YIPF3: variants seen among roughly 807,000 people sequenced by gnomAD.
YIPF3 encodes protein YIPF3.
YIPF3 carries 18 observed loss-of-function variants against 40.3 expected under a neutral mutation model. The observed-to-expected ratio is 0.45, with a 90% CI of 0.31 to 0.66. The LOEUF is 0.66. Among genes scored for constraint, YIPF3 ranks in the 30% least tolerant of loss-of-function variants. The probability of loss-of-function intolerance (pLI) is 0.07; values close to 1 mark genes in which losing one functional copy is unlikely to be tolerated. For synonymous variants in YIPF3, 190 were observed against 179.6 expected (o/e 1.06, Z -0.46); for missense variants, 406 against 452.2 (o/e 0.90, Z 0.93).
Position 43,512,295 on chromosome 6 carries a change from C to A in YIPF3, c.925G>T (p.Gly309Cys). Reference protein sequence around the residue: ...VVEGILDTLEGPNIPPIQRVP... With the variant: ...VVEGILDTLECPNIPPIQRVP... ...CTCTGGATGGGCGGGATGTTGGGGC[C>A]CTCCAGTGTGTCCAGGATCCCTGGA... The change falls in exon 9 of 9, where the codon GGC becomes TGC. Residue 309 changes from glycine to cysteine, a missense_variant. Physicochemically the swap from Gly to Cys is radical, Grantham distance 159. Transcript: ENST00000372422. The A allele has an allele frequency of 6.2e-7, 1 of 1,610,604 alleles. No individual in the cohort carries two copies. Among genetic ancestry groups the A allele is most frequent in the Non-Finnish European group, 8.5e-7 (1 of 1,178,064 alleles).
intron 3 of YIPF3, 65 bp from the exon 4 acceptor site, chr6:43,513,698 G>A (rs1792717174): frequency 8.8e-6 from 13 of 1,471,218 alleles, no homozygotes; most frequent in East Asian, 2.3e-5. Flanking sequence ...GGAGGGCAAG[G>A]CCTGAATTTT....
intron 2 of YIPF3, 66 bp from the exon 3 acceptor site, chr6:43,515,767 C>T: frequency 6.2e-7 from 1 of 1,606,548 alleles, no homozygotes; most frequent in Admixed American, 1.7e-5. Flanking sequence ...TGCCTATTTT[C>T]CGTTTGATTT....
In YIPF3 at chr6:43,513,433, A is replaced by G; in HGVS notation, c.460T>C (p.Tyr154His). The change falls in exon 5 of 9, where the codon TAT becomes CAT. Residue 154 changes from tyrosine (Y) to histidine (H), a missense_variant. Transcript: ENST00000372422. ...GTGAAGACCAGCATGAGAGGTCCAT[A>G]GAGTTCACCTGCAATTTTCTGTCAA... The part of the protein sequence containing the change: ...NFPQKIAGEL[Y>H]GPLMLVFTLV... The G allele has an allele frequency of 1.2e-6, 2 of 1,614,210 alleles. No individual in the cohort carries two copies. The highest frequency in any genetic ancestry group is 1.7e-6 in the Non-Finnish European group (2 of 1,180,032).
intron 3 of YIPF3, chr6:43,515,240 C>G (rs944580327): frequency 2.2e-6 from 1 of 461,828 alleles, no homozygotes; most frequent in African/African-American, 2.0e-5. Flanking sequence ...GATCCGCCCG[C>G]CTCGGCCTCC....
Position 43,512,894 on chromosome 6 carries a change from A to G in YIPF3, c.667-20T>C, listed in dbSNP as rs1248809859. 2 of 1,610,252 alleles carry G rather than the reference A, an allele frequency of 1.2e-6. No homozygotes were observed. Among genetic ancestry groups the G allele is most frequent in the African/African-American group, 2.7e-5 (2 of 74,836 alleles). ...ATAGCCCTGGGAAGGAGGATGGTGG[A>G]GAGGAAAATCATTCAGGTTGGGCTG... On this transcript the variant is annotated intron_variant, in intron 6 of 8. Coordinates refer to ENST00000372422, the MANE Select transcript of YIPF3 (RefSeq NM_015388.4).
intron 3 of YIPF3, among the ~76,000 whole-genome samples, chr6:43,514,370 G>A (rs184992196): frequency 1.3e-5 from 2 of 152,182 alleles, no homozygotes; most frequent in African/African-American, 4.8e-5. Flanking sequence ...AATGAAAGGT[G>A]TTACTGAGGG....
Position 43,513,135 on chromosome 6 carries a change from G to C in YIPF3, c.600C>G (p.Ser200=). ...ACAGGTAGGCAAGGAAGTAAATGAA[G>C]GATGAGACTCCCAGCCAGTAGCCGA... The part of the protein sequence containing the change: ...TCFGYWLGVS[S]FIYFLAYLCN... The change falls in exon 6 of 9, where the codon TCC becomes TCG. Residue 200 remains serine, a synonymous_variant. Transcript: ENST00000372422. 1 of 1,614,194 alleles carries C rather than the reference G, an allele frequency of 6.2e-7. No homozygotes were observed. The highest frequency in any genetic ancestry group is 8.5e-7 in the Non-Finnish European group (1 of 1,180,042).
In YIPF3 at chr6:43,516,817, G is replaced by C; in HGVS notation, c.-10C>G. 6.4e-7 allele frequency: 1 copy of C among 1,565,774 alleles called. No individual in the cohort carries two copies. Among genetic ancestry groups the C allele is most frequent in the Non-Finnish European group, 8.7e-7 (1 of 1,154,892 alleles). On this transcript the variant is annotated 5_prime_UTR_variant, in exon 1 of 9. Transcript: ENST00000372422. ...CCGCTGTAGTTGCCATGTCCCTTGA[G>C]GGCTCCCGTCGCTGAAACCCGCGCT...
intron 1 of YIPF3, chr6:43,516,440 C>T: frequency 1.6e-6 from 1 of 610,350 alleles, no homozygotes. Context: ...GTGAATCCCA[C>T]CCAACCCCAC....
rs370055930 is a variant in YIPF3 at position 43,513,359 on chromosome 6, G to A, written c.534C>T (p.Ile178=). The part of the protein sequence containing the change: ...LHGMKTSDTI[I]REGTLMGTAI... ...CCCCAAAGTTGTCTGTCCTGCTTACGATAATAGTGTCAGACGTCTTCATCC... is the reference window on the plus strand; with the variant it reads ...CCCCAAAGTTGTCTGTCCTGCTTACAATAATAGTGTCAGACGTCTTCATCC... Residue 178 remains isoleucine (I), a splice_region_variant and synonymous_variant, in exon 5 of 9, where the codon ATC becomes ATT. Coordinates refer to ENST00000372422, the MANE Select transcript of YIPF3 (RefSeq NM_015388.4). The A allele has an allele frequency of 5.6e-6, 9 of 1,614,042 alleles. No individual in the cohort carries two copies. The highest frequency in any genetic ancestry group is 2.2e-5 in the South Asian group (2 of 91,080).
chr6:43,513,775 G>A, intron 3 of YIPF3, 142 bp from the exon 4 acceptor site: 1 of 737,746 alleles, frequency 1.4e-6, no homozygotes. Flanking sequence ...GGTAGAACAG[G>A]GTAGTAAAGA....
chr6:43,515,637 A>G lies in YIPF3; in HGVS notation c.353T>C (p.Leu118Pro). Residue 118 changes from leucine (L) to proline (P), a missense_variant, in exon 3 of 9, where the codon CTC becomes CCC. Leu to Pro is a moderately conservative substitution (Grantham distance 98, BLOSUM62 -3). Transcript: ENST00000372422. ...AFSLYANIDI[L>P]RPYFDVEPAQ... Reference sequence around the variant, plus strand: ...AGGCTCCACATCAAAGTAGGGTCTGAGGATGTCGATGTTGGCGTACAAGCT... The same window carrying G: ...AGGCTCCACATCAAAGTAGGGTCTGGGGATGTCGATGTTGGCGTACAAGCT... 6.2e-7 allele frequency: 1 copy of G among 1,613,796 alleles called. No homozygotes were observed. The highest frequency in any genetic ancestry group is 8.5e-7 in the Non-Finnish European group (1 of 1,180,030).
At position 43,513,376 on chromosome 6, in the gene YIPF3, T is replaced by A; in HGVS notation, c.517A>T (p.Thr173Ser). 6.2e-7 allele frequency: 1 copy of A among 1,614,190 alleles called. No homozygotes were observed. The highest frequency in any genetic ancestry group is 8.5e-7 in the Non-Finnish European group (1 of 1,180,026). The change falls in exon 5 of 9, where the codon ACG becomes TCG. Residue 173 changes from threonine to serine, a missense_variant. Thr to Ser is a moderately conservative substitution (Grantham distance 58). Transcript: ENST00000372422. ...LVAILLHGMKTSDTIIREGTL... is the reference protein window; with the variant it reads ...LVAILLHGMKSSDTIIREGTL... The stretch of plus-strand genomic sequence containing the variant: ...CTGCTTACGATAATAGTGTCAGACG[T>A]CTTCATCCCATGGAGTAGGATAGCA...
At chr6:43,514,109 C>T (rs1427064845) in intron 3 of YIPF3, among the ~76,000 whole-genome samples, 1 of 152,182 alleles carries the variant, frequency 6.6e-6, no homozygotes, top group African/African-American at 2.4e-5. Flanking sequence ...GGCATGGTGG[C>T]GGGCGCCTGT....
intron 3 of YIPF3, 56 bp from the exon 4 acceptor site, chr6:43,513,689 G>A: frequency 6.7e-7 from 1 of 1,498,102 alleles, no homozygotes; most frequent in Non-Finnish European, 8.9e-7. Flanking sequence ...TGAGGTTCTG[G>A]AGGGCAAGGC....
In YIPF3 at chr6:43,512,185, C is replaced by T; in HGVS notation, c.1035G>A (p.Val345=). 1.2e-6 allele frequency: 2 copies of T among 1,614,168 alleles called. No homozygotes were observed. Among genetic ancestry groups the T allele is most frequent in the Non-Finnish European group, 1.7e-6 (2 of 1,180,020 alleles). The change falls in exon 9 of 9, where the codon GTG becomes GTA. Residue 345 remains valine, a synonymous_variant. Coordinates refer to ENST00000372422, the MANE Select transcript of YIPF3 (RefSeq NM_015388.4). Reference sequence around the variant, plus strand: ...GGTGGGGTCAGTGTGACTGCAGGGTCACCGCAACAGCTTTGGCTGTGGCGT... The same window carrying T: ...GGTGGGGTCAGTGTGACTGCAGGGTTACCGCAACAGCTTTGGCTGTGGCGT... The part of the protein sequence containing the change: ...VLNATAKAVA[V]TLQSH
At position 43,512,839 on chromosome 6, in the gene YIPF3, G is replaced by C. The variant is rs1792701043; in HGVS notation, c.702C>G (p.Phe234Leu). 1 of 1,613,972 alleles carries C rather than the reference G, an allele frequency of 6.2e-7. No individual in the cohort carries two copies. Among genetic ancestry groups the C allele is most frequent in the Non-Finnish European group, 8.5e-7 (1 of 1,180,030 alleles). ...CGTGGAGGTGGATATTATAGGTGATGAACAGGACAATGCAATGCCCAAAGA... is the reference window on the plus strand; with the variant it reads ...CGTGGAGGTGGATATTATAGGTGATCAACAGGACAATGCAATGCCCAAAGA... ...YGLFGHCIVL[F>L]ITYNIHLHAL... Residue 234 changes from phenylalanine (F) to leucine (L), a missense_variant, in exon 7 of 9, where the codon TTC (phenylalanine) becomes TTG (leucine). Phe to Leu is a conservative substitution (Grantham distance 22, BLOSUM62 0). Transcript: ENST00000372422.
chr6:43,511,992 T>C lies in YIPF3; in HGVS notation c.*175A>G, dbSNP rs966822820. The C allele has an allele frequency of 2.5e-5, 26 of 1,048,840 alleles. No individual in the cohort carries two copies. Among genetic ancestry groups the C allele is most frequent in the Middle Eastern group, 6.0e-4 (2 of 3,316 alleles). The allele number at this position is 1,048,840 out of a possible 1,614,324, so 65.0% of individuals were successfully genotyped here. The stretch of plus-strand genomic sequence containing the variant: ...GCCTTGCAGTCCTGGCCAGGAGTTC[T>C]TGGCCTTGTGCCTTTCAGAAGTGCC... On this transcript the variant is annotated 3_prime_UTR_variant, in exon 9 of 9. Transcript: ENST00000372422.
In YIPF3 at chr6:43,515,976, A is replaced by G. The variant is rs138693195; in HGVS notation, c.201T>C (p.Ala67=). 6.2e-7 allele frequency: 1 copy of G among 1,614,190 alleles called. No homozygotes were observed. Among genetic ancestry groups the G allele is most frequent in the Non-Finnish European group, 8.5e-7 (1 of 1,180,022 alleles). ...LREEEVDADA[A]DAAAAEEEDG... ...CCTCCTCTTCAGCAGCAGCTGCATCAGCTGCATCAGCGTCTACTTCTTCCT... is the reference window on the plus strand; with the variant it reads ...CCTCCTCTTCAGCAGCAGCTGCATCGGCTGCATCAGCGTCTACTTCTTCCT... The change falls in exon 2 of 9, where the codon GCT becomes GCC. Residue 67 remains alanine, a synonymous_variant. Coordinates refer to ENST00000372422, the MANE Select transcript of YIPF3 (RefSeq NM_015388.4).
Sources: gnomAD v4.1 joint callset for allele counts (sites outside exome capture counted in the v4.1 genomes callset) on GRCh38, gnomAD v4.1.1 for gene constraint, MANE v1.5 for transcripts, NCBI Gene and HGNC (gene_info 2026-07-23, HGNC 2026-07-21) for gene names.